RHBDL2: variants seen among roughly 807,000 people sequenced by gnomAD.
The protein encoded by RHBDL2 is rhomboid-related protein 2.
In RHBDL2, 26 loss-of-function variants were observed where a neutral mutation model predicts 31.7. That is an observed-to-expected ratio of 0.82 (90% CI 0.60 to 1.14). The LOEUF (loss-of-function observed/expected upper bound fraction) is 1.14, where lower values mean the gene tolerates loss of function less well. Among genes scored for constraint, RHBDL2 ranks in the 50% most tolerant of loss-of-function variants. The probability of loss-of-function intolerance (pLI) is 0.00; values close to 1 mark genes in which losing one functional copy is unlikely to be tolerated. For missense variants in RHBDL2, 336 were observed against 364.4 expected, an observed-to-expected ratio of 0.92 and a Z score of 0.63; for synonymous variants, 123 against 127.2, an observed-to-expected ratio of 0.97 and a Z score of 0.22.
At chr1:38,898,403 T>G (rs996204914) in intron 4 of RHBDL2, among the ~76,000 whole-genome samples, 1 of 152,188 alleles carries the variant, frequency 6.6e-6, no homozygotes, top group African/African-American at 2.4e-5. Flanking sequence ...ATATGAGAAA[T>G]TTATTTTTAA....
At chr1:38,933,055 A>G (rs1201230738) in intron 1 of RHBDL2, among the ~76,000 whole-genome samples, 1 of 152,126 alleles carries the variant, frequency 6.6e-6, no homozygotes, top group African/African-American at 2.4e-5. Flanking sequence ...ATGGTTTCCC[A>G]TTGTCTTTGG....
chr1:38,919,793 C>G (rs1181244836), intron 1 of RHBDL2, among the ~76,000 whole-genome samples: 1 of 151,958 alleles, frequency 6.6e-6, no homozygotes, highest in Non-Finnish European at 1.5e-5. Flanking sequence ...AGGCTGGTCT[C>G]GAACTCCTGA....
At chr1:38,920,416 C>T (rs1156768171) in intron 1 of RHBDL2, among the ~76,000 whole-genome samples, 6 of 151,860 alleles carry the variant, frequency 4.0e-5, no homozygotes, top group Non-Finnish European at 8.8e-5. Flanking sequence ...GATCCACCTG[C>T]CTCGGCCTCC....
At chr1:38,895,862 T>C in intron 5 of RHBDL2, 107 bp downstream of exon 5, 3 of 697,012 alleles carry the variant, frequency 4.3e-6, no homozygotes, top group South Asian at 3.8e-5. Context: ...TCTCAGAAAA[T>C]TGAGTGCTCA....
chr1:38,929,619 G>T (rs564255436), intron 1 of RHBDL2: 18 of 1,255,230 alleles, frequency 1.4e-5, no homozygotes, highest in Non-Finnish European at 1.8e-5. Context: ...CCTTGATGTG[G>T]CTGGGGAGCT....
chr1:38,929,277 G>A (rs1643413576), intron 1 of RHBDL2: 7 of 597,722 alleles, frequency 1.2e-5, no homozygotes, highest in East Asian at 1.4e-4. Context: ...GGGAGAAGAT[G>A]GGGCTGGGAA....
intron 4 of RHBDL2, among the ~76,000 whole-genome samples, chr1:38,903,202 C>G (rs12045405): frequency 6.6e-6 from 1 of 151,498 alleles, no homozygotes; most frequent in Non-Finnish European, 1.5e-5. Context: ...TGCAATGGCG[C>G]GATCTTGGCT....
At chr1:38,908,161 GAAA>G (rs572425278) in intron 4 of RHBDL2, among the ~76,000 whole-genome samples, 2,924 of 83,254 alleles carry the variant, frequency 0.035, 108 homozygotes, top group African/African-American at 0.11. Flanking sequence ...CTCCAAATTT[GAAA>G]AAAAAAAAAA....
chr1:38,920,538 C>T (rs942204045), intron 1 of RHBDL2, among the ~76,000 whole-genome samples: 4 of 151,534 alleles, frequency 2.6e-5, no homozygotes, highest in Non-Finnish European at 4.4e-5. Flanking sequence ...TTTATCCACT[C>T]GTCTGTTTAT....
At chr1:38,928,144 T>TC (rs1264323105) in intron 1 of RHBDL2, among the ~76,000 whole-genome samples, 3 of 147,548 alleles carry the variant, frequency 2.0e-5, no homozygotes, top group African/African-American at 7.6e-5. Flanking sequence ...TTTCTTTCTT[T>TC]TTTTTTTTTT....
intron 1 of RHBDL2, among the ~76,000 whole-genome samples, chr1:38,940,640 G>T (rs1274021363): frequency 1.3e-5 from 2 of 152,202 alleles, no homozygotes; most frequent in African/African-American, 2.4e-5. Flanking sequence ...GGCATGGCAA[G>T]AAGGCAGTCA....
At chr1:38,927,113 G>T (rs879449716) in intron 1 of RHBDL2, 1 of 151,764 alleles carries the variant, frequency 6.6e-6, no homozygotes, top group African/African-American at 2.4e-5. Flanking sequence ...CTAAGTCTTT[G>T]TGTGACTTTA....
intron 6 of RHBDL2, among the ~76,000 whole-genome samples, chr1:38,890,289 C>T (rs1468672166): frequency 6.6e-6 from 1 of 152,000 alleles, no homozygotes; most frequent in Non-Finnish European, 1.5e-5. Context: ...TAAAGTGCTG[C>T]GATTACAGGC....
At chr1:38,896,988 CA>C (rs1417722018) in intron 4 of RHBDL2, among the ~76,000 whole-genome samples, 1 of 151,986 alleles carries the variant, frequency 6.6e-6, no homozygotes, top group Non-Finnish European at 1.5e-5. Context: ...ACTACTATGA[CA>C]AAAATAAATT....
intron 1 of RHBDL2, among the ~76,000 whole-genome samples, chr1:38,937,797 G>A (rs1162146715): frequency 6.6e-6 from 1 of 152,160 alleles, no homozygotes; most frequent in Non-Finnish European, 1.5e-5. Context: ...CAGATTCACT[G>A]TGACCCAGTA....
chr1:38,890,178 C>T (rs1642836824), intron 6 of RHBDL2, among the ~76,000 whole-genome samples: 1 of 152,084 alleles, frequency 6.6e-6, no homozygotes, highest in Admixed American at 6.5e-5. Flanking sequence ...GCTGGAACTA[C>T]AGGCCCATGC....
At chr1:38,916,787 C>T (rs1248017788) in intron 2 of RHBDL2, among the ~76,000 whole-genome samples, 1 of 148,390 alleles carries the variant, frequency 6.7e-6, no homozygotes, top group Non-Finnish European at 1.5e-5. Context: ...AGGAGAATCA[C>T]TTGACCCTGG....
chr1:38,912,685 G>A (rs1643165928), intron 3 of RHBDL2, among the ~76,000 whole-genome samples: 2 of 150,776 alleles, frequency 1.3e-5, no homozygotes, highest in Admixed American at 1.3e-4. Context: ...CCCCTCAAAG[G>A]GCTGGGATTA....
At chr1:38,935,852 G>A (rs1005832322) in intron 1 of RHBDL2, among the ~76,000 whole-genome samples, 17 of 152,002 alleles carry the variant, frequency 1.1e-4, no homozygotes, top group African/African-American at 3.1e-4. Context: ...GAGCTCAAGC[G>A]ATCTGCCCAC....
Sources: allele counts gnomAD v4.1 joint callset (sites outside exome capture counted in the v4.1 genomes callset), GRCh38; gene constraint gnomAD v4.1.1; transcripts MANE v1.5; gene names NCBI Gene and HGNC (gene_info 2026-07-23, HGNC 2026-07-21).